The following SNTG1 variants were observed in gnomAD, a reference collection of about 807,000 sequenced individuals.
SNTG1 encodes the protein gamma-1-syntrophin.
Under a neutral mutation model 74.7 loss-of-function variants are expected in SNTG1, and 39 were observed. That is an observed-to-expected ratio of 0.52 (90% CI 0.40 to 0.68). The LOEUF is 0.68. SNTG1 is among the 30% of genes least tolerant of loss of function. SNTG1 has a pLI of 0.00. For synonymous variants in SNTG1, 254 were observed against 217.1 expected, an observed-to-expected ratio of 1.17 and a Z score of -1.49; for missense variants, 685 against 609.5, an observed-to-expected ratio of 1.12 and a Z score of -1.30.
intron 15 of SNTG1, among the ~76,000 whole-genome samples, chr8:50,692,034 A>T (rs1023334696): frequency 1.3e-5 from 2 of 151,942 alleles, no homozygotes; most frequent in Non-Finnish European, 2.9e-5. Context: ...CTTCCAGTTG[A>T]TCTCATCAGC....
At chr8:50,507,732 G>C (rs1252786197) in intron 9 of SNTG1, among the ~76,000 whole-genome samples, 1 of 151,578 alleles carries the variant, frequency 6.6e-6, no homozygotes, top group African/African-American at 2.4e-5. Context: ...TGTGCACAAC[G>C]TGCAGGTTAG....
intron 1 of SNTG1, among the ~76,000 whole-genome samples, chr8:50,073,373 T>C (rs1158928356): frequency 6.6e-6 from 1 of 152,188 alleles, no homozygotes; most frequent in East Asian, 1.9e-4. Context: ...TTCATACATC[T>C]TCATGCTCTA....
At chr8:50,526,683 C>A (rs2094222870) in intron 9 of SNTG1, among the ~76,000 whole-genome samples, 1 of 151,852 alleles carries the variant, frequency 6.6e-6, no homozygotes, top group African/African-American at 2.4e-5. Context: ...TGGAGTCTCC[C>A]CCTGTTGCCA....
chr8:50,085,239 A>G (rs1388575702), intron 1 of SNTG1, among the ~76,000 whole-genome samples: 8 of 152,232 alleles, frequency 5.3e-5, no homozygotes, highest in African/African-American at 1.9e-4. Context: ...CAAACAATTT[A>G]GAGCACCAAG....
At chr8:50,585,587 G>A (rs2094642908) in intron 12 of SNTG1, among the ~76,000 whole-genome samples, 1 of 152,092 alleles carries the variant, frequency 6.6e-6, no homozygotes, top group African/African-American at 2.4e-5. Context: ...AAATGATGCA[G>A]AGAATTTAGA....
chr8:50,342,590 G>C (rs1383312119), intron 2 of SNTG1, among the ~76,000 whole-genome samples: 1 of 152,100 alleles, frequency 6.6e-6, no homozygotes, highest in African/African-American at 2.4e-5. Context: ...GTGTTAACCT[G>C]CCAATGACTC....
At chr8:50,620,983 A>C (rs951250183) in intron 13 of SNTG1, among the ~76,000 whole-genome samples, 1 of 152,170 alleles carries the variant, frequency 6.6e-6, no homozygotes, top group Non-Finnish European at 1.5e-5. Flanking sequence ...AGAATTTGCC[A>C]TCAGAGCAAG....
chr8:50,210,311 A>G (rs2084456382), intron 2 of SNTG1, among the ~76,000 whole-genome samples: 1 of 152,256 alleles, frequency 6.6e-6, no homozygotes, highest in Non-Finnish European at 1.5e-5. Context: ...TCTTCAGGAT[A>G]TTATCCAGGA....
chr8:50,328,255 G>T (rs2090830229), intron 2 of SNTG1, among the ~76,000 whole-genome samples: 1 of 152,148 alleles, frequency 6.6e-6, no homozygotes, highest in Non-Finnish European at 1.5e-5. Context: ...GTTAGACTGA[G>T]AAAATTTTAG....
At chr8:50,253,382 G>A (rs938951542) in intron 2 of SNTG1, among the ~76,000 whole-genome samples, 2 of 151,890 alleles carry the variant, frequency 1.3e-5, no homozygotes, top group Admixed American at 6.6e-5. Flanking sequence ...GAGATCACAC[G>A]ATTGCATTTC....
intron 1 of SNTG1, among the ~76,000 whole-genome samples, chr8:50,135,136 G>A (rs1190904740): frequency 6.6e-6 from 1 of 152,074 alleles, no homozygotes; most frequent in African/African-American, 2.4e-5. Flanking sequence ...CTCTTTCAAA[G>A]CCCTACCCCC....
At chr8:50,174,818 A>G (rs1376708240) in intron 2 of SNTG1, among the ~76,000 whole-genome samples, 1 of 151,106 alleles carries the variant, frequency 6.6e-6, no homozygotes, top group Non-Finnish European at 1.5e-5. Flanking sequence ...CCATTAACTC[A>G]TCATTTAGCA....
chr8:50,239,418 A>C (rs1364285799), intron 2 of SNTG1, among the ~76,000 whole-genome samples: 4 of 152,186 alleles, frequency 2.6e-5, no homozygotes. Context: ...CACCTTGTTC[A>C]CAAAGTGGCA....
intron 2 of SNTG1, among the ~76,000 whole-genome samples, chr8:50,177,301 C>A (rs1300622596): frequency 6.6e-6 from 1 of 152,112 alleles, no homozygotes; most frequent in African/African-American, 2.4e-5. Flanking sequence ...TCTGCTCAGT[C>A]CTGCCTTCTT....
intron 2 of SNTG1, among the ~76,000 whole-genome samples, chr8:50,241,121 G>T (rs1586813901): frequency 1.3e-5 from 2 of 152,128 alleles, no homozygotes; most frequent in Admixed American, 1.3e-4. Context: ...TAAGGCTAGT[G>T]GTAGAGTAAA....
At chr8:49,941,102 C>T (rs769727359) in intron 1 of SNTG1, among the ~76,000 whole-genome samples, 21 of 152,250 alleles carry the variant, frequency 1.4e-4, no homozygotes, top group Non-Finnish European at 2.6e-4. Context: ...AGGACAAACT[C>T]TTCAGTCCTG....
At chr8:50,379,680 A>T (rs1187208744) in intron 2 of SNTG1, among the ~76,000 whole-genome samples, 1 of 152,254 alleles carries the variant, frequency 6.6e-6, no homozygotes, top group African/African-American at 2.4e-5. Flanking sequence ...AATAAATGTT[A>T]AAAGTGCATA....
chr8:50,417,995 A>T (rs1297610604), intron 4 of SNTG1, among the ~76,000 whole-genome samples: 2 of 152,030 alleles, frequency 1.3e-5, no homozygotes, highest in Non-Finnish European at 1.5e-5. Flanking sequence ...TTTCCACTAG[A>T]TCATTCTGAC....
intron 1 of SNTG1, among the ~76,000 whole-genome samples, chr8:50,065,010 G>T (rs751933180): frequency 1.3e-5 from 2 of 152,158 alleles, no homozygotes; most frequent in African/African-American, 4.8e-5. Flanking sequence ...TTGGCATACA[G>T]TGATTCCTCA....
Sources: gnomAD v4.1 joint callset for allele counts (sites outside exome capture counted in the v4.1 genomes callset) on GRCh38, gnomAD v4.1.1 for gene constraint, MANE v1.5 for transcripts, NCBI Gene and HGNC (gene_info 2026-07-23, HGNC 2026-07-21) for gene names.